NF1: variants seen among roughly 807,000 people sequenced by gnomAD.
NF1 encodes the protein neurofibromin 1.
Under a neutral mutation model 325.7 loss-of-function variants are expected in NF1, and 122 were observed. The observed-to-expected ratio is 0.37, with a 90% confidence interval of 0.32 to 0.44. The LOEUF is 0.44. Ranked by LOEUF, NF1 falls within the 20% of genes least tolerant of loss-of-function variation. The probability of loss-of-function intolerance (pLI) is 1.00; values close to 1 mark genes in which losing one functional copy is unlikely to be tolerated. For missense variants in NF1, 2,140 were observed against 3,415.4 expected (o/e 0.63, Z 9.31); for synonymous variants, 1,091 against 1,186.0 (o/e 0.92, Z 1.65).
chr17:31,118,956 G>A (rs1439246448), intron 1 of NF1, among the ~76,000 whole-genome samples: 4 of 146,952 alleles, frequency 2.7e-5, no homozygotes, highest in African/African-American at 1.0e-4. Context: ...TTTTTCTTGA[G>A]ATGGAGTCTC....
rs1363534157 is a variant in NF1, at chr17:31,235,636, C to T, written c.3734C>T (p.Thr1245Ile). The change falls in exon 28 of 58, where the codon ACT (threonine) becomes ATT (isoleucine). Residue 1245 changes from threonine (T) to isoleucine (I), a missense_variant. This residue lies in a region of NF1 where 336 missense variants were observed against 399.0 expected (regional missense o/e 0.84). Transcript: ENST00000358273. ...QWDELARVLV[T>I]LFDSRHLLYQ... ...GATGAACTAGCTCGAGTTCTGGTTA[C>T]TCTGTTTGATTCTCGGCATTTACTC... 6.2e-7 allele frequency: 1 copy of T among 1,614,084 alleles called. No individual in the cohort carries two copies. The highest frequency in any genetic ancestry group is 8.5e-7 in the Non-Finnish European group (1 of 1,180,006).
Position 31,336,725 on chromosome 17 carries a change from A to C in NF1, c.6238A>C (p.Ile2080Leu). ...EQHLMWDDIA[I>L]LARYMLMLSF... Reference sequence around the variant, plus strand: ...ACATCTTATGTGGGATGATATTGCTATTTTAGCACGCTACATGCTGATGCT... The same window carrying C: ...ACATCTTATGTGGGATGATATTGCTCTTTTAGCACGCTACATGCTGATGCT... Residue 2080 changes from isoleucine (I) to leucine (L), a missense_variant, in exon 42 of 58, where the codon ATT becomes CTT. Ile to Leu is a conservative substitution (Grantham distance 5). Coordinates refer to ENST00000358273, the MANE Select transcript of NF1 (RefSeq NM_001042492.3). This position sits in a 1 kb window ranked among gnomAD's most constrained non-coding sequence, Gnocchi z 5.5. 1 of 1,614,008 alleles carries C rather than the reference A, an allele frequency of 6.2e-7. No homozygotes were observed. The highest frequency in any genetic ancestry group is 8.5e-7 in the Non-Finnish European group (1 of 1,180,014).
chr17:31,242,482 A>G (rs905580211), intron 29 of NF1, among the ~76,000 whole-genome samples: 1 of 151,698 alleles, frequency 6.6e-6, no homozygotes, highest in African/African-American at 2.4e-5. Flanking sequence ...AGCATGCTTC[A>G]TTCTTTATTC....
At chr17:31,117,137 G>A (rs765539860) in intron 1 of NF1, among the ~76,000 whole-genome samples, 13 of 151,508 alleles carry the variant, frequency 8.6e-5, no homozygotes, top group Non-Finnish European at 1.8e-4. Flanking sequence ...GTGCCGCCAC[G>A]CCTGGCTAAA....
chr17:31,173,513 G>A (rs1380291113), intron 5 of NF1, among the ~76,000 whole-genome samples: 4 of 151,880 alleles, frequency 2.6e-5, no homozygotes, highest in Non-Finnish European at 4.4e-5. Context: ...CAGCAGAATC[G>A]CTTGAGCCTG....
intron 36 of NF1, chr17:31,294,516 A>G (rs1597789651): frequency 6.0e-6 from 1 of 168,064 alleles, no homozygotes; most frequent in South Asian, 1.5e-4. Context: ...ATTTTACTTC[A>G]GTAAAATATC....
In NF1 at chr17:31,235,348, T is replaced by A. The variant is rs140290831; in HGVS notation, c.3709-263T>A. On this transcript the variant is annotated intron_variant, in intron 27 of 57. Transcript: ENST00000358273. ...TTTGAGCTGAATCTTGGAGATTTTG[T>A]CTCCTAGTAAAGCGTAGGCCTCTCT... Among the ~76,000 whole-genome samples, 232 of 152,304 alleles carry A rather than the reference T, an allele frequency of 1.5e-3. 1 individual carries two copies. Among genetic ancestry groups the A allele is most frequent in the African/African-American group, 5.2e-3 (218 of 41,574 alleles).
chr17:31,244,768 C>G (rs550846496), intron 29 of NF1, among the ~76,000 whole-genome samples: 1 of 152,092 alleles, frequency 6.6e-6, no homozygotes, highest in Admixed American at 6.5e-5. Context: ...ATGTTAAGAC[C>G]AGGTATTGTG....
intron 1 of NF1, among the ~76,000 whole-genome samples, chr17:31,123,879 A>AT (rs1284974220): frequency 1.5e-4 from 23 of 151,900 alleles, no homozygotes; most frequent in Non-Finnish European, 3.2e-4. Flanking sequence ...TCTAGAAAGC[A>AT]TTTTTTCTCT....
intron 30 of NF1, chr17:31,252,715 G>A: frequency 1.9e-6 from 1 of 529,716 alleles, no homozygotes; most frequent in East Asian, 3.0e-5. Context: ...AGACATGATT[G>A]GGTCTCAACA....
chr17:31,095,164 C>T lies in NF1; in HGVS notation c.-146C>T. 1.4e-6 allele frequency: 1 copy of T among 693,636 alleles called. No individual in the cohort carries two copies. The highest frequency in any genetic ancestry group is 2.9e-5 in the East Asian group (1 of 33,942). 43.0% of individuals were successfully genotyped at this position (693,636 alleles called of 1,614,324 possible). The stretch of plus-strand genomic sequence containing the variant: ...CCCGCTCGGCGCTGACCCCCCATCC[C>T]CACCCCCGTGGGAACACTGGGAGCC... On this transcript the variant is annotated 5_prime_UTR_variant, in exon 1 of 58. Transcript: ENST00000358273.
chr17:31,273,317 C>G (rs1354238914), intron 36 of NF1, among the ~76,000 whole-genome samples: 2 of 151,890 alleles, frequency 1.3e-5, no homozygotes, highest in Admixed American at 1.3e-4. Flanking sequence ...TCTTCATTAA[C>G]AACAACAACA....
At chr17:31,117,523 A>G (rs111596100) in intron 1 of NF1, among the ~76,000 whole-genome samples, 1 of 150,958 alleles carries the variant, frequency 6.6e-6, no homozygotes, top group Non-Finnish European at 1.5e-5. Context: ...TACAAAAAAA[A>G]TTAGCTGGGC....
intron 36 of NF1, among the ~76,000 whole-genome samples, chr17:31,293,153 G>T (rs2068378255): frequency 8.8e-6 from 1 of 114,186 alleles, no homozygotes; most frequent in Non-Finnish European, 1.7e-5. Flanking sequence ...ACTCCAGCCT[G>T]GGGGATAAGA....
chr17:31,305,255 G>T (rs746629693), intron 36 of NF1: 1 of 1,614,184 alleles, frequency 6.2e-7, no homozygotes, highest in South Asian at 1.1e-5. Flanking sequence ...AACACGGCTT[G>T]CTGGGAGGAG....
At chr17:31,155,951 G>A in intron 1 of NF1, 32 bp from the exon 2 acceptor site, 1 of 1,602,792 alleles carries the variant, frequency 6.2e-7, no homozygotes, top group Non-Finnish European at 8.5e-7. Flanking sequence ...AGGATAAGCT[G>A]TTAACGTGTT....
chr17:31,248,881 G>T, intron 29 of NF1, 103 bp from the exon 30 acceptor site: 3 of 1,053,502 alleles, frequency 2.8e-6, no homozygotes, highest in Non-Finnish European at 2.8e-6. Context: ...AAGTCTACAC[G>T]TTGCACTTGG....
intron 1 of NF1, among the ~76,000 whole-genome samples, chr17:31,129,504 A>T (rs1191204220): frequency 1.4e-5 from 2 of 145,466 alleles, no homozygotes; most frequent in Admixed American, 1.4e-4. Context: ...ATCTCAGCTC[A>T]CTGCAACCTC....
intron 13 of NF1, 58 bp from the exon 14 acceptor site, chr17:31,218,944 CCTT>C: frequency 2.0e-6 from 3 of 1,488,988 alleles, no homozygotes; most frequent in Non-Finnish European, 2.8e-6. Context: ...ATTTCTTCCT[CCTT>C]CTAATCTCTC....
Sources: gnomAD v4.1 joint callset for allele counts (sites outside exome capture counted in the v4.1 genomes callset) on GRCh38, gnomAD v4.1.1 for gene constraint, gnomAD v4.1.1 regional missense constraint, Gnocchi (gnomAD v3.1) non-coding constraint, MANE v1.5 for transcripts, NCBI Gene and HGNC (gene_info 2026-07-23, HGNC 2026-07-21) for gene names.